MCMBP: variants seen among roughly 807,000 people sequenced by gnomAD.
The protein encoded by MCMBP is minichromosome maintenance complex binding protein.
MCMBP carries 31 observed loss-of-function variants against 81.3 expected under a neutral mutation model. That is an observed-to-expected ratio of 0.38 (90% CI 0.29 to 0.51). The LOEUF is 0.51. MCMBP is among the 20% of genes least tolerant of loss of function. The probability of loss-of-function intolerance (pLI) is 0.87; values close to 1 mark genes in which losing one functional copy is unlikely to be tolerated. For synonymous variants in MCMBP, 267 were observed against 275.9 expected (o/e 0.97, Z 0.32); for missense variants, 645 against 772.1 (o/e 0.84, Z 1.95).
At chr10:119,860,621 T>G (rs759306808) in intron 1 of MCMBP, among the ~76,000 whole-genome samples, 6 of 152,202 alleles carry the variant, frequency 3.9e-5, no homozygotes, top group African/African-American at 7.2e-5. Flanking sequence ...GGACCCAGCT[T>G]AGGATCACTT....
chr10:119,867,908 T>C lies in MCMBP; in HGVS notation c.58+4619A>G, dbSNP rs149804461. ...AGACAATAAGGGCACAGATTGTCTG[T>C]TTAGATTCATGGTGATAATAAAAAG... On this transcript the variant is annotated intron_variant, in intron 1 of 15. Coordinates refer to ENST00000369077, the MANE Select transcript of MCMBP (RefSeq NM_001256378.2). Among the ~76,000 whole-genome samples, 634 of 152,230 alleles carry C rather than the reference T, an allele frequency of 4.2e-3. 4 individuals are homozygous for C. The highest frequency in any genetic ancestry group is 6.1e-3 in the Non-Finnish European group (415 of 68,006).
At chr10:119,850,487 A>T (rs1852771684) in intron 6 of MCMBP, among the ~76,000 whole-genome samples, 1 of 152,082 alleles carries the variant, frequency 6.6e-6, no homozygotes, top group Non-Finnish European at 1.5e-5. Context: ...CAGTGGCTCA[A>T]GCCTGTAATC....
chr10:119,847,725 C>G lies in MCMBP; in HGVS notation c.727-12G>C, dbSNP rs370957976. On this transcript the variant is annotated splice_polypyrimidine_tract_variant and intron_variant, in intron 7 of 15. Coordinates refer to ENST00000369077, the MANE Select transcript of MCMBP (RefSeq NM_001256378.2). ...CAATCTTCATAAACCTAACAAGAGA[C>G]CACATGAAATCACACTGTTAGAACA... The G allele has an allele frequency of 1.3e-6, 2 of 1,495,402 alleles. No homozygotes were observed. The highest frequency in any genetic ancestry group is 2.8e-5 in the African/African-American group (2 of 72,524). 92.6% of individuals were successfully genotyped at this position (1,495,402 alleles called of 1,614,324 possible).
rs1851950958 is a variant in MCMBP, at chr10:119,830,062, A to G, written c.*1412T>C. 6.6e-6 allele frequency: 1 copy of G among 152,644 alleles called. No homozygotes were observed. The highest frequency in any genetic ancestry group is 2.4e-5 in the African/African-American group (1 of 41,460). 9.5% of individuals were successfully genotyped at this position (152,644 alleles called of 1,614,324 possible). On this transcript the variant is annotated 3_prime_UTR_variant, in exon 16 of 16. Transcript: ENST00000369077. Reference sequence around the variant, plus strand: ...GAAAACCAGTTCAACTCTAATATAAACATTATTTACATTTGTTTATAAAAA... The same window carrying G: ...GAAAACCAGTTCAACTCTAATATAAGCATTATTTACATTTGTTTATAAAAA...
chr10:119,852,741 ACT>A (rs1801362796), intron 6 of MCMBP, among the ~76,000 whole-genome samples: 1 of 152,222 alleles, frequency 6.6e-6, no homozygotes, highest in South Asian at 2.1e-4. Flanking sequence ...GATAAAAATA[ACT>A]CATTTTTAGG....
chr10:119,845,949 G>A (rs1193211386), intron 8 of MCMBP, among the ~76,000 whole-genome samples: 1 of 152,150 alleles, frequency 6.6e-6, no homozygotes, highest in Admixed American at 6.5e-5. Context: ...TGAACCCATG[G>A]TTTTTCACAG....
chr10:119,832,158 C>G, intron 14 of MCMBP, 58 bp from the exon 15 acceptor site: 1 of 1,504,602 alleles, frequency 6.6e-7, no homozygotes, highest in East Asian at 2.3e-5. Context: ...AGAAAATTAA[C>G]ATGGTTCCTT....
intron 1 of MCMBP, among the ~76,000 whole-genome samples, chr10:119,870,231 G>A (rs61869129): frequency 0.11 from 16,530 of 152,130 alleles, 960 homozygotes; most frequent in South Asian, 0.17. Context: ...GGCGGATCAC[G>A]AGGTCAAGAG....
intron 11 of MCMBP, among the ~76,000 whole-genome samples, chr10:119,840,111 G>T (rs1405458978): frequency 6.6e-6 from 1 of 151,886 alleles, no homozygotes; most frequent in African/African-American, 2.4e-5. Context: ...TTCTAGTTTG[G>T]TAAATTAATG....
intron 5 of MCMBP, among the ~76,000 whole-genome samples, chr10:119,855,871 CA>C (rs1446548382): frequency 1.2e-4 from 19 of 152,302 alleles, no homozygotes; most frequent in African/African-American, 3.6e-4. Context: ...ATAAATTCAA[CA>C]ACTGGGTTTA....
At chr10:119,838,831 G>T in intron 11 of MCMBP, 131 bp from the exon 12 acceptor site, 1 of 735,082 alleles carries the variant, frequency 1.4e-6, no homozygotes. Context: ...GTAGTGATAT[G>T]GTTTCTTGAA....
chr10:119,852,293 T>C (rs980953395), intron 6 of MCMBP, among the ~76,000 whole-genome samples: 1 of 150,488 alleles, frequency 6.6e-6, no homozygotes, highest in Non-Finnish European at 1.5e-5. Flanking sequence ...GGATAGCACA[T>C]ACTCGAATAT....
rs767604695 is a variant in MCMBP at position 119,832,023 on chromosome 10, G to A, written c.1785C>T (p.Leu595=). The change falls in exon 15 of 16, where the codon CTC becomes CTT. Residue 595 remains leucine, a synonymous_variant. Transcript: ENST00000369077. The part of the protein sequence containing the change: ...SITADDLHQL[L]VVARCLSLSA... ...CGTGCGCCACTTACCGAGCCACCAC[G>A]AGCAGCTGGTGAAGATCATCAGCAG... The A allele has an allele frequency of 1.9e-6, 3 of 1,611,110 alleles. No homozygotes were observed. Among genetic ancestry groups the A allele is most frequent in the Admixed American group, 1.7e-5 (1 of 59,118 alleles).
chr10:119,866,707 T>C (rs1189218637), intron 1 of MCMBP, among the ~76,000 whole-genome samples: 1 of 152,196 alleles, frequency 6.6e-6, no homozygotes, highest in African/African-American at 2.4e-5. Context: ...ATTGTACATT[T>C]TAAAATGTTA....
chr10:119,838,889 AT>A (rs1852340836), intron 11 of MCMBP, among the ~76,000 whole-genome samples, 189 bp from the exon 12 acceptor site: 2 of 152,224 alleles, frequency 1.3e-5, no homozygotes, highest in Non-Finnish European at 1.5e-5. Context: ...AATTTCATCC[AT>A]TTTATGAGCT....
At chr10:119,853,295 T>C in intron 5 of MCMBP, 101 bp from the exon 6 acceptor site, 1 of 1,250,634 alleles carries the variant, frequency 8.0e-7, no homozygotes, top group Non-Finnish European at 1.1e-6. Context: ...GGCAATTCAG[T>C]TAAAATAGAA....
chr10:119,836,760 T>C (rs1048789610), intron 13 of MCMBP, 136 bp downstream of exon 13: 2 of 12,792 alleles, frequency 1.6e-4, no homozygotes, highest in Non-Finnish European at 2.5e-4. Flanking sequence ...AGTCACAGTT[T>C]TTTTTTTTTT....
intron 14 of MCMBP, 40 bp downstream of exon 14, chr10:119,835,500 A>G (rs780645284): frequency 3.8e-6 from 6 of 1,566,278 alleles, no homozygotes; most frequent in East Asian, 2.3e-5. Context: ...GCATACTGCA[A>G]TTCAACACAG....
chr10:119,872,598 G>A lies in MCMBP; in HGVS notation c.-14C>T, dbSNP rs1193598868. The A allele has an allele frequency of 6.0e-6, 7 of 1,168,944 alleles. No individual in the cohort carries two copies. Among genetic ancestry groups the A allele is most frequent in the African/African-American group, 1.6e-5 (1 of 61,504 alleles). 72.4% of individuals were successfully genotyped at this position (1,168,944 alleles called of 1,614,324 possible). The stretch of plus-strand genomic sequence containing the variant: ...CCCACACGGCATCTCGCCAGGGGCC[G>A]GGGCCGGCGAAGACCGGGCGGAGGC... On this transcript the variant is annotated 5_prime_UTR_variant, in exon 1 of 16. Transcript: ENST00000369077.
Sources: allele counts gnomAD v4.1 joint callset (sites outside exome capture counted in the v4.1 genomes callset), GRCh38; gene constraint gnomAD v4.1.1; transcripts MANE v1.5; gene names NCBI Gene and HGNC (gene_info 2026-07-23, HGNC 2026-07-21).